ITGBL1: variants seen among roughly 807,000 people sequenced by gnomAD.
The protein encoded by ITGBL1 is integrin beta-like protein 1.
A neutral mutation model predicts 68.5 loss-of-function variants in ITGBL1; 51 were observed. That is an observed-to-expected ratio of 0.74 (90% CI 0.59 to 0.94). The LOEUF (loss-of-function observed/expected upper bound fraction) is 0.94, where lower values mean the gene tolerates loss of function less well. Ranked by LOEUF, ITGBL1 falls within the 40% of genes least tolerant of loss-of-function variation. The probability of loss-of-function intolerance (pLI) is 0.00; values close to 1 mark genes in which losing one functional copy is unlikely to be tolerated. For missense variants in ITGBL1, 649 were observed against 647.4 expected (o/e 1.00, Z -0.03); for synonymous variants, 209 against 227.3 (o/e 0.92, Z 0.72).
At chr13:101,673,477 A>C (rs899385219) in intron 7 of ITGBL1, among the ~76,000 whole-genome samples, 8 of 152,174 alleles carry the variant, frequency 5.3e-5, no homozygotes, top group African/African-American at 1.7e-4. Flanking sequence ...TATTGCCAAT[A>C]ATACATGCTG....
intron 2 of ITGBL1, among the ~76,000 whole-genome samples, chr13:101,519,619 A>T (rs1194934398): frequency 2.6e-5 from 4 of 152,154 alleles, no homozygotes; most frequent in African/African-American, 9.7e-5. Context: ...TAATAATCTG[A>T]GTAAATGCAT....
At chr13:101,696,627 T>G (rs2034008979) in intron 8 of ITGBL1, among the ~76,000 whole-genome samples, 1 of 152,158 alleles carries the variant, frequency 6.6e-6, no homozygotes, top group Non-Finnish European at 1.5e-5. Flanking sequence ...CTCTCTGAAA[T>G]GATGTCCTAC....
chr13:101,671,876 T>C (rs1449478946), intron 7 of ITGBL1, among the ~76,000 whole-genome samples: 2 of 152,250 alleles, frequency 1.3e-5, no homozygotes, highest in Non-Finnish European at 2.9e-5. Flanking sequence ...AATAAGAATC[T>C]GCTTTCTTTA....
intron 7 of ITGBL1, among the ~76,000 whole-genome samples, chr13:101,606,223 T>A (rs1207730540): frequency 6.8e-6 from 1 of 148,058 alleles, no homozygotes; most frequent in Non-Finnish European, 1.5e-5. Flanking sequence ...GATATATGTA[T>A]CAGAAATTAA....
At chr13:101,494,516 A>G (rs2048827320) in intron 2 of ITGBL1, among the ~76,000 whole-genome samples, 1 of 152,250 alleles carries the variant, frequency 6.6e-6, no homozygotes, top group African/African-American at 2.4e-5. Flanking sequence ...GCACTTTCTC[A>G]CATACAGAGC....
intron 2 of ITGBL1, among the ~76,000 whole-genome samples, chr13:101,480,281 C>A (rs1162280518): frequency 6.6e-6 from 1 of 151,928 alleles, no homozygotes; most frequent in Admixed American, 6.6e-5. Flanking sequence ...CAATTGAATT[C>A]ATGGATACAG....
intron 2 of ITGBL1, 83 bp downstream of exon 2, chr13:101,454,183 G>A: frequency 3.1e-6 from 3 of 978,854 alleles, no homozygotes; most frequent in Non-Finnish European, 4.2e-6. Flanking sequence ...AGAGTGAAGG[G>A]TGGGGACACG....
intron 3 of ITGBL1, among the ~76,000 whole-genome samples, chr13:101,571,185 A>G (rs2050266166): frequency 6.6e-6 from 1 of 152,014 alleles, no homozygotes; most frequent in Non-Finnish European, 1.5e-5. Flanking sequence ...AATACCACCA[A>G]CATATTTACT....
In ITGBL1 at chr13:101,647,141, T is replaced by G. The variant is rs80219508; in HGVS notation, c.1016-45444T>G. 6.2e-3 allele frequency among the ~76,000 whole-genome samples: 937 copies of G among 152,282 alleles called. 12 individuals are homozygous for G. The highest frequency in any genetic ancestry group is 0.021 in the African/African-American group (880 of 41,566). Reference sequence around the variant, plus strand: ...ATGATGTTTGTTATTCACTGAAATATATGAAGTCAATTTCTAGGACAGATG... The same window carrying G: ...ATGATGTTTGTTATTCACTGAAATAGATGAAGTCAATTTCTAGGACAGATG... On this transcript the variant is annotated intron_variant, in intron 7 of 10. Coordinates refer to ENST00000376180, the MANE Select transcript of ITGBL1 (RefSeq NM_004791.3).
At chr13:101,578,773 T>A (rs906755029) in intron 4 of ITGBL1, among the ~76,000 whole-genome samples, 2 of 152,202 alleles carry the variant, frequency 1.3e-5, no homozygotes, top group African/African-American at 4.8e-5. Flanking sequence ...CTCTTTCACA[T>A]GGTGGAACAC....
At chr13:101,555,401 T>A (rs1272913304) in intron 2 of ITGBL1, among the ~76,000 whole-genome samples, 1 of 152,210 alleles carries the variant, frequency 6.6e-6, no homozygotes, top group African/African-American at 2.4e-5. Context: ...ATATTTTTTT[T>A]TGTACTCCCT....
intron 4 of ITGBL1, 34 bp downstream of exon 4, chr13:101,575,580 GTACC>G (rs751296368): frequency 6.3e-7 from 1 of 1,599,364 alleles, no homozygotes; most frequent in Admixed American, 1.7e-5. Context: ...ATTAATAAAA[GTACC>G]TGTTTTTTTC....
intron 2 of ITGBL1, among the ~76,000 whole-genome samples, chr13:101,488,483 AG>A (rs1249908210): frequency 6.6e-6 from 1 of 152,184 alleles, no homozygotes; most frequent in African/African-American, 2.4e-5. Flanking sequence ...ACACTGGAAG[AG>A]TTTCCTGGTC....
chr13:101,534,734 G>C (rs1289537703), intron 2 of ITGBL1, among the ~76,000 whole-genome samples: 1 of 152,150 alleles, frequency 6.6e-6, no homozygotes, highest in Non-Finnish European at 1.5e-5. Flanking sequence ...AGAAGGTGTT[G>C]GAGGGTTTTT....
chr13:101,634,362 C>T (rs2032095257), intron 7 of ITGBL1, among the ~76,000 whole-genome samples: 1 of 152,064 alleles, frequency 6.6e-6, no homozygotes, highest in Non-Finnish European at 1.5e-5. Context: ...GATAATGTAA[C>T]AGATCATTGG....
chr13:101,601,540 T>G (rs919156849), intron 7 of ITGBL1, among the ~76,000 whole-genome samples: 4 of 152,232 alleles, frequency 2.6e-5, no homozygotes, highest in Admixed American at 1.3e-4. Flanking sequence ...GTTGTCAATT[T>G]TAGATCTTTC....
In ITGBL1 at chr13:101,575,521, C is replaced by T. The variant is rs3916912; in HGVS notation, c.561C>T (p.Asp187=). The T allele has an allele frequency of 0.16, 260,859 of 1,608,830 alleles. 22,841 individuals carry two copies. The highest frequency in any genetic ancestry group is 0.22 in the African/African-American group (16,434 of 74,712). ...AGTGTGACGATAGAGAATGCATAGA[C>T]GATGAAACAGAAGAAATATGTGGAG... The part of the protein sequence containing the change: ...FCECDDRECI[D]DETEEICGGH... Residue 187 remains aspartate (D), a synonymous_variant, in exon 4 of 11, where the codon GAC becomes GAT. Transcript: ENST00000376180.
chr13:101,454,350 G>A (rs1187153851), intron 2 of ITGBL1, among the ~76,000 whole-genome samples: 1 of 149,606 alleles, frequency 6.7e-6, no homozygotes, highest in African/African-American at 2.4e-5. Flanking sequence ...ATATTTTATT[G>A]TAATTATGAT....
At chr13:101,533,073 C>T (rs1287558532) in intron 2 of ITGBL1, among the ~76,000 whole-genome samples, 3 of 152,144 alleles carry the variant, frequency 2.0e-5, no homozygotes, top group African/African-American at 7.2e-5. Context: ...CTGAAAGTGA[C>T]TACCACTTTA....
Sources: gnomAD v4.1 joint callset for allele counts (sites outside exome capture counted in the v4.1 genomes callset) on GRCh38, gnomAD v4.1.1 for gene constraint, MANE v1.5 for transcripts, NCBI Gene and HGNC (gene_info 2026-07-23, HGNC 2026-07-21) for gene names.